The following CUBN variants were observed in gnomAD, a reference collection of about 807,000 sequenced individuals.
CUBN encodes the protein 460 kDa receptor.
CUBN carries 282 observed loss-of-function variants against 405.3 expected under a neutral mutation model. The observed-to-expected ratio is 0.70, with a 90% confidence interval of 0.63 to 0.77. The LOEUF (loss-of-function observed/expected upper bound fraction) is 0.77. Among genes scored for constraint, CUBN ranks in the 30% least tolerant of loss-of-function variants. The probability of loss-of-function intolerance (pLI) is 0.00; values close to 1 mark genes in which losing one functional copy is unlikely to be tolerated. For missense variants in CUBN, 4,514 were observed against 4,475.2 expected (o/e 1.01, Z -0.25); for synonymous variants, 1,684 against 1,617.0 (o/e 1.04, Z -0.99).
At chr10:17,008,429 C>CGTGTGT (rs59235819) in intron 28 of CUBN, among the ~76,000 whole-genome samples, 1,824 of 131,560 alleles carry the variant, frequency 0.014, 23 homozygotes, top group East Asian at 0.049. Flanking sequence ...AATCCCTGCT[C>CGTGTGT]GTGTGTGTGT....
At chr10:17,044,673 C>T (rs969799204) in intron 25 of CUBN, among the ~76,000 whole-genome samples, 3 of 152,064 alleles carry the variant, frequency 2.0e-5, no homozygotes, top group Non-Finnish European at 4.4e-5. Flanking sequence ...TTCTCTACTT[C>T]GCCAAAACTG....
intron 6 of CUBN, among the ~76,000 whole-genome samples, chr10:17,121,550 G>A: frequency 7.9e-6 from 1 of 125,918 alleles, no homozygotes; most frequent in East Asian, 2.7e-4. Context: ...CTGTTGTGGG[G>A]TGGGGGGAGG....
rs12267413 is a variant in CUBN, at chr10:16,993,066, C to T, written c.4169-2551G>A. On this transcript the variant is annotated intron_variant, in intron 28 of 66. Transcript: ENST00000377833. ...GTACAACACAGTGCCTCATGTAACT[C>T]GTGTTAAGATGTACCACCTTTTACT... 9.1e-3 allele frequency among the ~76,000 whole-genome samples: 1,393 copies of T among 152,252 alleles called. 29 individuals are homozygous for T. Among genetic ancestry groups the T allele is most frequent in the African/African-American group, 0.032 (1,345 of 41,536 alleles).
chr10:16,906,759 T>C (rs903300050), intron 49 of CUBN, among the ~76,000 whole-genome samples: 3 of 152,194 alleles, frequency 2.0e-5, no homozygotes, highest in African/African-American at 7.2e-5. Context: ...ATGGCTTGAT[T>C]AGCAATTCTC....
Position 16,947,359 on chromosome 10 carries a change from C to A in CUBN, c.5218G>T (p.Gly1740Ter). The change falls in exon 36 of 67, where the codon GGA (glycine) becomes TGA (stop). Residue 1740 changes from glycine to a stop codon, truncating the protein, a stop_gained. Transcript: ENST00000377833. LOFTEE classifies it high-confidence loss of function. ...ATGCCTTCAGCCATGTAGAACGTTC[C>A]ACCACAAGCTGGAAGAAAATAGAAA... ...TVTASVSACG[G>*]TFYMAEGIFN... is the part of the protein sequence containing the mutation. 6.2e-7 allele frequency: 1 copy of A among 1,613,994 alleles called. No homozygotes were observed. The highest frequency in any genetic ancestry group is 8.5e-7 in the Non-Finnish European group (1 of 1,180,000).
chr10:16,975,234 A>AT, intron 31 of CUBN, among the ~76,000 whole-genome samples: 1 of 152,242 alleles, frequency 6.6e-6, no homozygotes, highest in East Asian at 1.9e-4. Context: ...TTTTGAGTTT[A>AT]TTTTCCATCT....
chr10:17,109,782 G>T lies in CUBN; in HGVS notation c.1016-47C>A, dbSNP rs747190251. On this transcript the variant is annotated intron_variant, in intron 9 of 66. Transcript: ENST00000377833. The stretch of plus-strand genomic sequence containing the variant: ...TCATAAGAAACAATGTCAAGAAGAT[G>T]GGAGGACAAAGCCTGTCTAGGATTC... The T allele has an allele frequency of 3.4e-6, 5 of 1,457,950 alleles. No homozygotes were observed. The South Asian group carries it at 5.7e-5, about 17-fold the overall frequency. 90.3% of individuals were successfully genotyped at this position (1,457,950 alleles called of 1,614,324 possible).
Position 16,825,026 on chromosome 10 carries a change from A to G in CUBN, c.10821T>C (p.His3607=), listed in dbSNP as rs1282002625. The G allele has an allele frequency of 6.2e-7, 1 of 1,614,058 alleles. No individual in the cohort carries two copies. Among genetic ancestry groups the G allele is most frequent in the East Asian group, 2.2e-5 (1 of 44,872 alleles). ...ASSNQVFIKF[H]ADYARRPSAF... ...CGGATGGACGCCGTGCATAATCAGC[A>G]TGAAATTTTATGAAGACCTGATTTG... The change falls in exon 67 of 67, where the codon CAT becomes CAC. Residue 3607 remains histidine, a synonymous_variant. Transcript: ENST00000377833.
intron 29 of CUBN, among the ~76,000 whole-genome samples, chr10:16,986,278 T>G (rs546337801): frequency 6.2e-4 from 62 of 99,216 alleles, no homozygotes; most frequent in Non-Finnish European, 9.4e-4. Flanking sequence ...CCTCTGTGCC[T>G]TTCCCCCACC....
intron 54 of CUBN, among the ~76,000 whole-genome samples, chr10:16,891,975 A>C (rs542437766): frequency 5.9e-5 from 9 of 152,168 alleles, no homozygotes; most frequent in Non-Finnish European, 1.2e-4. Context: ...TTACTTGACT[A>C]TTCAACATTT....
At chr10:16,917,667 T>G (rs1337974811) in intron 45 of CUBN, among the ~76,000 whole-genome samples, 1 of 152,110 alleles carries the variant, frequency 6.6e-6, no homozygotes, top group Non-Finnish European at 1.5e-5. Flanking sequence ...CACAAATAAG[T>G]TAGAGAAAAT....
Position 16,840,428 on chromosome 10 carries a change from A to G in CUBN, c.9934T>C (p.Ser3312Pro), listed in dbSNP as rs1839309517. The G allele has an allele frequency of 5.0e-6, 8 of 1,614,088 alleles. No individual in the cohort carries two copies. Among genetic ancestry groups the G allele is most frequent in the Non-Finnish European group, 6.8e-6 (8 of 1,179,998 alleles). The change falls in exon 62 of 67, where the codon TCC (serine) becomes CCC (proline). Residue 3312 changes from serine (S) to proline (P), a missense_variant. This residue lies in a region of CUBN where 1,186 missense variants were observed against 1,186.9 expected (regional missense o/e 1.00). Coordinates refer to ENST00000377833, the MANE Select transcript of CUBN (RefSeq NM_001081.4). ...PFSICTWVID[S>P]PPHQQVKITV... ...ATCTTGACCTGCTGATGCGGAGGGG[A>G]ATCAATGACCCAAGTACAGATGGAA...
intron 34 of CUBN, among the ~76,000 whole-genome samples, 156 bp from the exon 35 acceptor site, chr10:16,948,762 C>T (rs193236376): frequency 6.6e-6 from 1 of 152,180 alleles, no homozygotes; most frequent in Admixed American, 6.5e-5. Flanking sequence ...ATGTTTGAGA[C>T]AATACCTGAT....
intron 64 of CUBN, among the ~76,000 whole-genome samples, chr10:16,832,120 CTG>C (rs1463303429): frequency 1.3e-5 from 2 of 152,132 alleles, no homozygotes; most frequent in Non-Finnish European, 2.9e-5. Flanking sequence ...GAGAACTACA[CTG>C]TGAACTGAAC....
intron 14 of CUBN, among the ~76,000 whole-genome samples, chr10:17,089,152 T>C (rs1463396228): frequency 6.6e-6 from 1 of 152,206 alleles, no homozygotes; most frequent in African/African-American, 2.4e-5. Flanking sequence ...ATTTTAGATG[T>C]GTAAGATATG....
chr10:16,868,964 T>C (rs1840268461), intron 59 of CUBN, among the ~76,000 whole-genome samples: 1 of 152,274 alleles, frequency 6.6e-6, no homozygotes, highest in Non-Finnish European at 1.5e-5. Flanking sequence ...CATGTCCTCA[T>C]TAAAATATCA....
chr10:16,896,452 A>G (rs1841186184), intron 54 of CUBN, among the ~76,000 whole-genome samples: 1 of 152,100 alleles, frequency 6.6e-6, no homozygotes, highest in East Asian at 1.9e-4. Flanking sequence ...ATGGTTGACA[A>G]TTCCTTTGTT....
chr10:16,901,888 A>AGT (rs1299654870), intron 51 of CUBN, among the ~76,000 whole-genome samples: 4 of 26,030 alleles, frequency 1.5e-4, no homozygotes, highest in East Asian at 3.3e-3. Flanking sequence ...CACCATATAT[A>AGT]GTATATATAT....
chr10:17,127,431 A>ATTTTTTTTTTTTTTTTTTTTTTTT (rs71268608), intron 3 of CUBN, among the ~76,000 whole-genome samples: 1 of 85,924 alleles, frequency 1.2e-5, no homozygotes, highest in African/African-American at 4.6e-5. Flanking sequence ...ATGCCCAGCT[A>ATTTTTTTTTTTTTTTTTTTTTTTT]TTTTTTTTTT....
Sources: gnomAD v4.1 joint callset for allele counts (sites outside exome capture counted in the v4.1 genomes callset) on GRCh38, gnomAD v4.1.1 for gene constraint, gnomAD v4.1.1 regional missense constraint, MANE v1.5 for transcripts, NCBI Gene and HGNC (gene_info 2026-07-23, HGNC 2026-07-21) for gene names.